MGAM: variants seen among roughly 807,000 people sequenced by gnomAD.
MGAM encodes the protein alpha-1,4-glucosidase.
MGAM carries 253 observed loss-of-function variants against 358.8 expected under a neutral mutation model. The ratio of observed to expected loss-of-function variants is 0.71; its 90% CI spans 0.64 to 0.78. The LOEUF (loss-of-function observed/expected upper bound fraction) is 0.78. Ranked by LOEUF, MGAM falls within the 30% of genes least tolerant of loss-of-function variation. The pLI is 0.00. For synonymous variants in MGAM, 1,105 were observed against 1,227.1 expected (o/e 0.90, Z 2.08); for missense variants, 3,080 against 3,432.6 (o/e 0.90, Z 2.57).
chr7:142,065,443 G>T lies in MGAM; in HGVS notation c.4593G>T (p.Trp1531Cys). ...GGCTGGGAGACAACACGGCCGCATG[G>T]GATCAGCTGAAGAAGTCTATCATTG... ...GHWLGDNTAAWDQLKKSIIGM... is the reference protein window; with the variant it reads ...GHWLGDNTAACDQLKKSIIGM... Residue 1531 changes from tryptophan to cysteine, a missense_variant, in exon 38 of 71, where the codon TGG becomes TGT. Physicochemically the swap from Trp to Cys is radical, Grantham distance 215. Transcript: ENST00000475668. 6.2e-7 allele frequency: 1 copy of T among 1,610,554 alleles called. No homozygotes were observed.
intron 53 of MGAM, among the ~76,000 whole-genome samples, chr7:142,084,164 A>G (rs1814564566): frequency 1.4e-5 from 2 of 146,138 alleles, no homozygotes; most frequent in African/African-American, 4.9e-5. Context: ...AGATGAAGAA[A>G]CTGAAGCACT....
intron 44 of MGAM, among the ~76,000 whole-genome samples, chr7:142,073,079 T>A (rs1813472429): frequency 6.8e-6 from 1 of 146,408 alleles, no homozygotes. Flanking sequence ...ATATACAGTC[T>A]ACCATATTTG....
chr7:142,043,018 A>G (rs1334905988), intron 21 of MGAM, among the ~76,000 whole-genome samples: 25 of 96,856 alleles, frequency 2.6e-4, no homozygotes, highest in African/African-American at 1.1e-3. Context: ...TATAATATAT[A>G]TAAAATATAA....
At chr7:141,996,300 CAAAA>C (rs77453293) in intron 1 of MGAM, among the ~76,000 whole-genome samples, 2 of 77,592 alleles carry the variant, frequency 2.6e-5, no homozygotes, top group African/African-American at 5.0e-5. Context: ...TACTCCGTCT[CAAAA>C]AAAAAAAAAA....
chr7:142,010,146 T>C (rs1201801647), intron 3 of MGAM, among the ~76,000 whole-genome samples: 1 of 152,122 alleles, frequency 6.6e-6, no homozygotes, highest in Non-Finnish European at 1.5e-5. Flanking sequence ...GGAAGTACTG[T>C]ATCAAGCCAC....
intron 10 of MGAM, 77 bp downstream of exon 10, chr7:142,027,812 C>T: frequency 7.3e-7 from 1 of 1,370,096 alleles, no homozygotes; most frequent in South Asian, 1.7e-5. Context: ...TATATTTTCT[C>T]TCCCTGAGTT....
intron 11 of MGAM, 61 bp downstream of exon 11, chr7:142,030,554 T>C: frequency 6.2e-7 from 1 of 1,608,050 alleles, no homozygotes; most frequent in Non-Finnish European, 8.5e-7. Flanking sequence ...TACACCCATC[T>C]CTCCTGCTTT....
intron 12 of MGAM, 47 bp from the exon 13 acceptor site, chr7:142,031,633 T>G (rs781997871): frequency 7.6e-7 from 1 of 1,312,892 alleles, no homozygotes; most frequent in South Asian, 1.2e-5. Context: ...CTTTAGTCTA[T>G]ATTTGTTTAA....
intron 3 of MGAM, among the ~76,000 whole-genome samples, chr7:142,009,333 C>T (rs1805420317): frequency 6.6e-6 from 1 of 152,172 alleles, no homozygotes. Flanking sequence ...TACTTGCCCA[C>T]ACCCTATGTT....
rs1327063348 is a variant in MGAM at position 142,069,409 on chromosome 7, AC to A, written c.5061+709del. 5.5e-5 allele frequency among the ~76,000 whole-genome samples: 8 copies of A among 145,418 alleles called. 1 individual carries two copies. The highest frequency in any genetic ancestry group is 2.0e-4 in the African/African-American group (8 of 40,956). The stretch of plus-strand genomic sequence containing the variant: ...TCTTGCTGGGACCCTGACAAATCAG[AC>A]CCTGATTCTTGGGGAAGAATCAAAG... On this transcript the variant is annotated intron_variant, in intron 43 of 70. Transcript: ENST00000475668.
intron 22 of MGAM, among the ~76,000 whole-genome samples, chr7:142,049,762 C>A (rs1437582909): frequency 6.6e-6 from 1 of 152,058 alleles, no homozygotes; most frequent in Non-Finnish European, 1.5e-5. Context: ...CCACCTCACA[C>A]CTGTTAGCAT....
chr7:142,090,907 A>G (rs547809837), intron 57 of MGAM, among the ~76,000 whole-genome samples: 1 of 146,326 alleles, frequency 6.8e-6, no homozygotes, highest in South Asian at 2.2e-4. Flanking sequence ...CACTCAGATG[A>G]ATATAAAACA....
chr7:142,043,167 T>A (rs1809284980), intron 21 of MGAM, among the ~76,000 whole-genome samples: 1 of 11,860 alleles, frequency 8.4e-5, no homozygotes, highest in Non-Finnish European at 1.2e-4. Flanking sequence ...AATATCTATA[T>A]TATATATACA....
chr7:142,090,755 T>A (rs1815306997), intron 57 of MGAM, among the ~76,000 whole-genome samples: 1 of 146,434 alleles, frequency 6.8e-6, no homozygotes, highest in Non-Finnish European at 1.5e-5. Flanking sequence ...GGAGGCTATT[T>A]ACTGAGACAT....
chr7:142,053,588 C>T (rs1257008333), intron 26 of MGAM, among the ~76,000 whole-genome samples: 1 of 152,090 alleles, frequency 6.6e-6, no homozygotes, highest in African/African-American at 2.4e-5. Flanking sequence ...CATTTAAGGA[C>T]TAGGGATGGA....
chr7:142,041,916 CGTATAAT>C (rs1808667784), intron 21 of MGAM, among the ~76,000 whole-genome samples: 1 of 21,560 alleles, frequency 4.6e-5, no homozygotes, highest in South Asian at 1.2e-3. Context: ...TATATATATA[CGTATAAT>C]ATATAATATA....
At chr7:142,066,486 T>C in intron 40 of MGAM, 87 bp from the exon 41 acceptor site, 2 of 1,409,934 alleles carry the variant, frequency 1.4e-6, no homozygotes, top group Non-Finnish European at 2.0e-6. Flanking sequence ...GTGAGTGATC[T>C]TCAATTGGAG....
chr7:142,046,785 A>G (rs750157339), intron 21 of MGAM, among the ~76,000 whole-genome samples: 11 of 152,208 alleles, frequency 7.2e-5, no homozygotes, highest in African/African-American at 1.7e-4. Context: ...CCGGTCCACC[A>G]TATTTCTGGA....
rs367841743 is a variant in MGAM, at chr7:142,036,248, A to G, written c.2039A>G (p.Tyr680Cys). Residue 680 changes from tyrosine (Y) to cysteine (C), a missense_variant, in exon 17 of 71, where the codon TAT (tyrosine) becomes TGT (cysteine). Physicochemically the swap from Tyr to Cys is radical, Grantham distance 194. Transcript: ENST00000475668. ...CRRWMQLGAF[Y>C]PFSRNHNGQG... The stretch of plus-strand genomic sequence containing the variant: ...CGGTGGATGCAGTTGGGTGCATTTT[A>G]TCCGTTTTCTAGAAATCACAATGGC... 9.9e-6 allele frequency: 16 copies of G among 1,610,834 alleles called. No homozygotes were observed. In the African/African-American group the frequency reaches 1.3e-4, roughly 13 times the overall value.
Sources: gnomAD v4.1 joint callset for allele counts (sites outside exome capture counted in the v4.1 genomes callset) on GRCh38, gnomAD v4.1.1 for gene constraint, MANE v1.5 for transcripts, NCBI Gene and HGNC (gene_info 2026-07-23, HGNC 2026-07-21) for gene names.